GALNT13: variants seen among roughly 807,000 people sequenced by gnomAD.
GALNT13 encodes UDP-GalNAc:polypeptide N-acetylgalactosaminyltransferase 13.
GALNT13 carries 28 observed loss-of-function variants against 64.2 expected under a neutral mutation model. The observed-to-expected ratio is 0.44, with a 90% confidence interval of 0.32 to 0.60. The LOEUF is 0.60. Ranked by LOEUF, GALNT13 falls within the 20% of genes least tolerant of loss-of-function variation. The pLI, the probability that GALNT13 is intolerant of heterozygous loss-of-function variation, is 0.05. For missense variants in GALNT13, 577 were observed against 669.8 expected (o/e 0.86, Z 1.53); for synonymous variants, 214 against 224.6 (o/e 0.95, Z 0.42).
the GALNT13 span, among the ~76,000 whole-genome samples, chr2:153,315,045 A>G: frequency 6.6e-6 from 1 of 152,210 alleles, no homozygotes; most frequent in African/African-American, 2.4e-5. Flanking sequence ...ATGTCATGGA[A>G]GTACTAATGA....
At chr2:153,454,604 G>A in the GALNT13 span, among the ~76,000 whole-genome samples, 4 of 152,260 alleles carry the variant, frequency 2.6e-5, no homozygotes, top group South Asian at 2.1e-4. Flanking sequence ...TTCACATTAC[G>A]TTACATTACA....
chr2:153,842,447 A>T, the GALNT13 span, among the ~76,000 whole-genome samples: 1 of 152,140 alleles, frequency 6.6e-6, no homozygotes, highest in Non-Finnish European at 1.5e-5. Flanking sequence ...AGGAACCGAG[A>T]AGTGTCATCA....
chr2:154,032,440 C>G (rs983477831), intron 3 of GALNT13, among the ~76,000 whole-genome samples: 1 of 151,902 alleles, frequency 6.6e-6, no homozygotes, highest in Non-Finnish European at 1.5e-5. Context: ...AAACCAGCCA[C>G]AGACATCACC....
intron 9 of GALNT13, among the ~76,000 whole-genome samples, chr2:154,394,388 G>A (rs1574227369): frequency 6.6e-6 from 1 of 152,278 alleles, no homozygotes; most frequent in East Asian, 1.9e-4. Flanking sequence ...CTAGGAAGAT[G>A]TTATGGAGCC....
chr2:154,071,491 A>G (rs1363066803), intron 3 of GALNT13, among the ~76,000 whole-genome samples: 1 of 152,104 alleles, frequency 6.6e-6, no homozygotes, highest in African/African-American at 2.4e-5. Flanking sequence ...TTTGTTGTGG[A>G]TTATATTTTT....
At chr2:153,209,926 A>G in the GALNT13 span, among the ~76,000 whole-genome samples, 1 of 152,050 alleles carries the variant, frequency 6.6e-6, no homozygotes, top group African/African-American at 2.4e-5. Context: ...TTTTCATGCT[A>G]TTGTAAGTGA....
At chr2:153,535,054 T>C in the GALNT13 span, among the ~76,000 whole-genome samples, 1 of 152,000 alleles carries the variant, frequency 6.6e-6, no homozygotes, top group Non-Finnish European at 1.5e-5. Flanking sequence ...GAATGGGCGA[T>C]GTTTCTCAGG....
At chr2:153,678,474 C>T in the GALNT13 span, among the ~76,000 whole-genome samples, 1 of 151,968 alleles carries the variant, frequency 6.6e-6, no homozygotes, top group Non-Finnish European at 1.5e-5. Flanking sequence ...GGGAGCTAAA[C>T]ATTGAGTACA....
At chr2:153,616,133 G>A in the GALNT13 span, among the ~76,000 whole-genome samples, 15 of 151,304 alleles carry the variant, frequency 9.9e-5, no homozygotes, top group East Asian at 2.9e-3. Context: ...TAGGGGTCTA[G>A]TTTCATTTTT....
intron 1 of GALNT13, among the ~76,000 whole-genome samples, chr2:153,877,410 G>C (rs576263137): frequency 6.6e-6 from 1 of 152,106 alleles, no homozygotes; most frequent in East Asian, 1.9e-4. Flanking sequence ...AATGCATGTG[G>C]TGAGTAGCCA....
chr2:153,283,646 G>A, the GALNT13 span, among the ~76,000 whole-genome samples: 3 of 152,168 alleles, frequency 2.0e-5, no homozygotes, highest in Middle Eastern at 3.4e-3. Flanking sequence ...GGTCAGCTCC[G>A]GTTGCTTAAC....
the GALNT13 span, among the ~76,000 whole-genome samples, chr2:153,209,934 T>C: frequency 6.6e-6 from 1 of 152,148 alleles, no homozygotes; most frequent in African/African-American, 2.4e-5. Flanking sequence ...CTATTGTAAG[T>C]GATATTTTAA....
At chr2:153,965,801 A>C (rs1347085347) in intron 3 of GALNT13, among the ~76,000 whole-genome samples, 1 of 95,890 alleles carries the variant, frequency 1.0e-5, no homozygotes, top group Non-Finnish European at 2.1e-5. Flanking sequence ...AAAAATAAGC[A>C]AAAAAAAAAC....
chr2:153,824,238 A>G, the GALNT13 span, among the ~76,000 whole-genome samples: 1 of 152,214 alleles, frequency 6.6e-6, no homozygotes, highest in African/African-American at 2.4e-5. Flanking sequence ...CAGCAGTTAT[A>G]CACTGTTGGT....
At chr2:153,517,432 T>C in the GALNT13 span, among the ~76,000 whole-genome samples, 1 of 152,110 alleles carries the variant, frequency 6.6e-6, no homozygotes, top group Non-Finnish European at 1.5e-5. Context: ...CAAGAAAATA[T>C]AGTATGAGGT....
At chr2:154,025,266 G>A (rs1206649832) in intron 3 of GALNT13, among the ~76,000 whole-genome samples, 1 of 152,176 alleles carries the variant, frequency 6.6e-6, no homozygotes. Context: ...CACTCACGCT[G>A]GGTGCTGTAG....
chr2:153,934,711 C>T (rs1464127137), intron 2 of GALNT13, among the ~76,000 whole-genome samples: 1 of 152,122 alleles, frequency 6.6e-6, no homozygotes, highest in Non-Finnish European at 1.5e-5. Context: ...TGGATAGCCC[C>T]AGTGGATTCC....
the GALNT13 span, among the ~76,000 whole-genome samples, chr2:153,508,840 T>C: frequency 6.6e-6 from 1 of 152,164 alleles, no homozygotes; most frequent in Non-Finnish European, 1.5e-5. Context: ...TGCATGGTAG[T>C]CCTGACTCCT....
At chr2:153,138,447 T>C in the GALNT13 span, among the ~76,000 whole-genome samples, 1 of 152,070 alleles carries the variant, frequency 6.6e-6, no homozygotes, top group African/African-American at 2.4e-5. Flanking sequence ...TATTGTCAGA[T>C]GATATGCAAG....
Sources: gnomAD v4.1 joint callset for allele counts (sites outside exome capture counted in the v4.1 genomes callset) on GRCh38, gnomAD v4.1.1 for gene constraint, MANE v1.5 for transcripts, NCBI Gene and HGNC (gene_info 2026-07-23, HGNC 2026-07-21) for gene names.